The following BCL11A variants were observed in gnomAD, a reference collection of about 807,000 sequenced individuals.
The protein encoded by BCL11A is B cell CLL/lymphoma 11A.
BCL11A carries 2 observed loss-of-function variants against 55.9 expected under a neutral mutation model. The observed-to-expected ratio is 0.04, with a 90% CI of 0.01 to 0.11. The LOEUF (loss-of-function observed/expected upper bound fraction) is 0.11. Among genes scored for constraint, BCL11A ranks in the 10% least tolerant of loss-of-function variants. The pLI, the probability that BCL11A is intolerant of heterozygous loss-of-function variation, is 1.00. For missense variants in BCL11A, 817 were observed against 1,137.1 expected (o/e 0.72, Z 4.05); for synonymous variants, 465 against 473.4 (o/e 0.98, Z 0.23).
chr2:60,457,770 C>T lies in BCL11A; in HGVS notation c.*2634G>A. 9.7e-7 allele frequency: 1 copy of T among 1,027,626 alleles called. No individual in the cohort carries two copies. The highest frequency in any genetic ancestry group is 1.2e-6 in the Non-Finnish European group (1 of 859,682). The allele number at this position is 1,027,626 out of a possible 1,614,324, so 63.7% of individuals were successfully genotyped here. A position where few individuals can be genotyped will look rare whatever the true frequency, so the allele number is the denominator to read the frequency against. ...GATAGAAGGAAAGGGACAAAAAGCA[C>T]ACTACATAACAAACCAACGTTATTA... On this transcript the variant is annotated 3_prime_UTR_variant, in exon 4 of 4. Coordinates refer to ENST00000642384, the MANE Select transcript of BCL11A (RefSeq NM_022893.4).
At position 60,460,877 on chromosome 2, in the gene BCL11A, A is replaced by C. The variant is rs1164537222; in HGVS notation, c.2035T>G (p.Ser679Ala). 17 of 1,613,168 alleles carry C rather than the reference A, an allele frequency of 1.1e-5. No homozygotes were observed. The East Asian group carries it at 3.6e-4, about 34-fold the overall frequency. Residue 679 changes from serine (S) to alanine (A), a missense_variant, in exon 4 of 4, where the codon TCC becomes GCC. Physicochemically the swap from Ser to Ala is moderately conservative, Grantham distance 99 (BLOSUM62 1). Transcript: ENST00000642384. ...LKDPFLSFGDSRQSPFASSSE... is the reference protein window; with the variant it reads ...LKDPFLSFGDARQSPFASSSE... Reference sequence around the variant, plus strand: ...GAGGAGGCAAAAGGCGATTGTCTGGAGTCTCCGAAGCTAAGGAAGGGATCT... The same window carrying C: ...GAGGAGGCAAAAGGCGATTGTCTGGCGTCTCCGAAGCTAAGGAAGGGATCT...
intron 2 of BCL11A, among the ~76,000 whole-genome samples, chr2:60,479,944 A>G (rs1677859800): frequency 6.6e-6 from 1 of 152,214 alleles, no homozygotes; most frequent in Non-Finnish European, 1.5e-5. Context: ...AGAAATCTGA[A>G]GTTGACAGGT....
intron 2 of BCL11A, among the ~76,000 whole-genome samples, chr2:60,494,759 T>G (rs1678849267): frequency 6.6e-6 from 1 of 152,240 alleles, no homozygotes; most frequent in Non-Finnish European, 1.5e-5. Flanking sequence ...GCAGAGTAAG[T>G]GCTCCGAGCT....
intron 2 of BCL11A, among the ~76,000 whole-genome samples, chr2:60,512,090 C>G (rs1360471586): frequency 6.6e-6 from 1 of 152,210 alleles, no homozygotes; most frequent in East Asian, 1.9e-4. Context: ...CCTGGGCTTG[C>G]AACTTAATTC....
intron 2 of BCL11A, among the ~76,000 whole-genome samples, chr2:60,474,427 A>G (rs1677398603): frequency 6.6e-6 from 1 of 152,240 alleles, no homozygotes; most frequent in Non-Finnish European, 1.5e-5. Flanking sequence ...CAAAAGGTTG[A>G]ATAGGATGGT....
chr2:60,461,790 G>A lies in BCL11A; in HGVS notation c.1122C>T (p.Val374=). Residue 374 remains valine, a synonymous_variant, in exon 4 of 4, where the codon GTC becomes GTT. Transcript: ENST00000642384. ...CGCAGAACTCGCATGACTTGGACTT[G>A]ACCGGGGGCTGGGAGGGAGGAGGGG... ...QSAPPPSQPP[V]KSKSCEFCGK... is the part of the protein sequence containing the mutation. 4 of 1,604,924 alleles carry A rather than the reference G, an allele frequency of 2.5e-6. No individual in the cohort carries two copies. The highest frequency in any genetic ancestry group is 2.2e-5 in the South Asian group (2 of 90,918).
At chr2:60,513,236 T>G (rs1660097733) in intron 2 of BCL11A, among the ~76,000 whole-genome samples, 1 of 151,988 alleles carries the variant, frequency 6.6e-6, no homozygotes, top group Non-Finnish European at 1.5e-5. Flanking sequence ...TTCAGGTACA[T>G]CCCCATCATG....
intron 3 of BCL11A, among the ~76,000 whole-genome samples, chr2:60,467,612 GTGA>G (rs1676830345): frequency 1.3e-5 from 1 of 76,928 alleles, no homozygotes; most frequent in Non-Finnish European, 2.6e-5. Context: ...GGTGGTGGTA[GTGA>G]TGGTGGTGGT....
At position 60,532,972 on chromosome 2, in the gene BCL11A, T is replaced by G. The variant is rs558588073; in HGVS notation, c.385+12999A>C. 21 of 152,370 alleles carry G rather than the reference T, an allele frequency of 1.4e-4. 1 individual carries two copies. The highest frequency in any genetic ancestry group is 3.9e-4 in the Admixed American group (6 of 15,308). The allele number at this position is 152,370 out of a possible 1,614,324, so 9.4% of individuals were successfully genotyped here. On this transcript the variant is annotated intron_variant, in intron 2 of 3. Coordinates refer to ENST00000642384, the MANE Select transcript of BCL11A (RefSeq NM_022893.4). ...TGTAGAATTATTTGTGTACTTGACA[T>G]TTATACAGTTTCTCCATTATATAAC...
At chr2:60,490,753 G>C (rs932168839) in intron 2 of BCL11A, among the ~76,000 whole-genome samples, 1 of 152,096 alleles carries the variant, frequency 6.6e-6, no homozygotes, top group African/African-American at 2.4e-5. Flanking sequence ...ATATTTGAAA[G>C]TACCAGCACA....
chr2:60,452,549 C>T (rs920738352), downstream of BCL11A: 5 of 1,600,914 alleles, frequency 3.1e-6, no homozygotes, highest in Non-Finnish European at 3.4e-6. Flanking sequence ...ACGCGTCCAC[C>T]CCACCCCTGG....
At chr2:60,525,876 C>G (rs1480789732) in intron 2 of BCL11A, 3 of 152,188 alleles carry the variant, frequency 2.0e-5, no homozygotes, top group Admixed American at 1.3e-4. Flanking sequence ...ATGGCTTTCA[C>G]AGAAGGGTAA....
At chr2:60,480,138 G>A (rs527923874) in intron 2 of BCL11A, among the ~76,000 whole-genome samples, 4 of 152,228 alleles carry the variant, frequency 2.6e-5, no homozygotes, top group Non-Finnish European at 4.4e-5. Context: ...CAGCGAGGAG[G>A]GGGGAAGGTG....
intron 2 of BCL11A, among the ~76,000 whole-genome samples, chr2:60,476,556 C>T (rs554418523): frequency 6.6e-6 from 1 of 152,212 alleles, no homozygotes; most frequent in African/African-American, 2.4e-5. Context: ...CCACCACACC[C>T]CATCAGCATG....
At chr2:60,521,067 GCACACA>G (rs58564312) in intron 2 of BCL11A, among the ~76,000 whole-genome samples, 1,209 of 117,654 alleles carry the variant, frequency 0.01, 4 homozygotes, top group Non-Finnish European at 0.015. Flanking sequence ...CTAGTGGTCA[GCACACA>G]CACACACACA....
chr2:60,533,254 A>G (rs910406121), intron 2 of BCL11A: 1 of 152,254 alleles, frequency 6.6e-6, no homozygotes, highest in African/African-American at 2.4e-5. Flanking sequence ...ACTCCTGGAT[A>G]GACTGAATAA....
intron 2 of BCL11A, among the ~76,000 whole-genome samples, chr2:60,479,884 T>G (rs2104154576): frequency 6.6e-6 from 1 of 152,340 alleles, no homozygotes; most frequent in African/African-American, 2.4e-5. Context: ...AATGAAACGC[T>G]TCTGTCCCTC....
intron 2 of BCL11A, among the ~76,000 whole-genome samples, chr2:60,531,644 C>A (rs1221393774): frequency 6.6e-6 from 1 of 152,188 alleles, no homozygotes; most frequent in Non-Finnish European, 1.5e-5. Context: ...TCAGACCAAC[C>A]ACTACCATTA....
At chr2:60,547,127 G>A (rs1670192385) in intron 1 of BCL11A, among the ~76,000 whole-genome samples, 1 of 152,024 alleles carries the variant, frequency 6.6e-6, no homozygotes, top group African/African-American at 2.4e-5. Flanking sequence ...CTGAGAAATG[G>A]AATGCCTATA....
Sources: gnomAD v4.1 joint callset for allele counts (sites outside exome capture counted in the v4.1 genomes callset) on GRCh38, gnomAD v4.1.1 for gene constraint, MANE v1.5 for transcripts, NCBI Gene and HGNC (gene_info 2026-07-23, HGNC 2026-07-21) for gene names.